Variants in PEA15 observed in about 807,000 individuals in gnomAD.
The protein encoded by PEA15 is astrocytic phosphoprotein PEA-15.
For synonymous variants in PEA15, 60 were observed against 61.8 expected, an observed-to-expected ratio of 0.97 and a Z score of 0.13; for missense variants, 77 against 161.3, an observed-to-expected ratio of 0.48 and a Z score of 2.83.
In PEA15 at chr1:160,208,614, G is replaced by A. The variant is rs1178212901; in HGVS notation, c.-2-2929G>A. 5.8e-6 allele frequency: 9 copies of A among 1,550,550 alleles called. No individual in the cohort carries two copies. The highest frequency in any genetic ancestry group is 4.9e-5 in the East Asian group (2 of 40,926). On this transcript the variant is annotated intron_variant, in intron 1 of 3. Transcript: ENST00000360472. This position sits in a 1 kb window ranked among gnomAD's most constrained non-coding sequence, Gnocchi z 4.1. ...TGGTGAGGAAAGTGACATGGAGGAT[G>A]AAGGAAACAAGCTCTGCCAAGCCCC...
At chr1:160,212,474 A>G (rs1246519555) in intron 2 of PEA15, among the ~76,000 whole-genome samples, 1 of 151,952 alleles carries the variant, frequency 6.6e-6, no homozygotes, top group Non-Finnish European at 1.5e-5. Context: ...TACTATTCTG[A>G]CTGCTGTGTG....
chr1:160,210,818 A>T (rs1055692282), intron 1 of PEA15, among the ~76,000 whole-genome samples: 37 of 152,156 alleles, frequency 2.4e-4, no homozygotes, highest in African/African-American at 8.7e-4. Flanking sequence ...GAGAGAGCTG[A>T]GTGGGGGCCT....
At position 160,208,749 on chromosome 1, in the gene PEA15, C is replaced by A; in HGVS notation, c.-2-2794C>A. ...TTCTTCTGCCATACTAAGGCCTAGG[C>A]AAATGGATCTCTCCAAGAAGGGAGG... On this transcript the variant is annotated intron_variant, in intron 1 of 3. Coordinates refer to ENST00000360472, the MANE Select transcript of PEA15 (RefSeq NM_003768.5). The surrounding 1 kb of genome is among the most constrained non-coding windows in gnomAD (Gnocchi z 4.1). The A allele has an allele frequency of 1.7e-6, 2 of 1,185,720 alleles. No individual in the cohort carries two copies. Among genetic ancestry groups the A allele is most frequent in the Non-Finnish European group, 1.2e-6 (1 of 818,082 alleles). The allele number at this position is 1,185,720 out of a possible 1,614,324, so 73.4% of individuals were successfully genotyped here.
chr1:160,208,339 G>C lies in PEA15; in HGVS notation c.-3+2817G>C. Reference sequence around the variant, plus strand: ...TGGGGCCAGCTTGGAAGGAGAGGGAGGCAGGAAGGAAGGAAGGTGTGAGGA... The same window carrying C: ...TGGGGCCAGCTTGGAAGGAGAGGGACGCAGGAAGGAAGGAAGGTGTGAGGA... On this transcript the variant is annotated intron_variant, in intron 1 of 3. Coordinates refer to ENST00000360472, the MANE Select transcript of PEA15 (RefSeq NM_003768.5). This position sits in a 1 kb window ranked among gnomAD's most constrained non-coding sequence, Gnocchi z 4.1. 2.1e-6 allele frequency: 1 copy of C among 485,612 alleles called. No individual in the cohort carries two copies. The highest frequency in any genetic ancestry group is 3.6e-5 in the East Asian group (1 of 28,064). 30.1% of individuals were successfully genotyped at this position (485,612 alleles called of 1,614,324 possible). A position where few individuals can be genotyped will look rare whatever the true frequency, so the allele number is the denominator to read the frequency against.
rs1221818168 is a variant in PEA15, at chr1:160,214,975, C to G, written c.*1489C>G. The G allele has an allele frequency of 6.5e-6, 1 of 153,008 alleles. No homozygotes were observed. The highest frequency in any genetic ancestry group is 2.4e-5 in the African/African-American group (1 of 41,454). The allele number at this position is 153,008 out of a possible 1,614,324, so 9.5% of individuals were successfully genotyped here. On this transcript the variant is annotated 3_prime_UTR_variant, in exon 4 of 4. Transcript: ENST00000360472. ...GCCCCTCTGGCCACTGCTGCAGACACCTGCCTTAACACACACACCTCTAGG... is the reference window on the plus strand; with the variant it reads ...GCCCCTCTGGCCACTGCTGCAGACAGCTGCCTTAACACACACACCTCTAGG...
Position 160,215,109 on chromosome 1 carries a change from G to C in PEA15, c.*1623G>C, listed in dbSNP as rs1655050865. 6.5e-6 allele frequency: 1 copy of C among 152,750 alleles called. No homozygotes were observed. The highest frequency in any genetic ancestry group is 2.1e-4 in the South Asian group (1 of 4,830). 9.5% of individuals were successfully genotyped at this position (152,750 alleles called of 1,614,324 possible). On this transcript the variant is annotated 3_prime_UTR_variant, in exon 4 of 4. Transcript: ENST00000360472. ...AGAATTGGGTGGGGGGAATGAGCAT[G>C]AACTGTCCTTCCATTTGGGATATGT...
chr1:160,206,553 G>A (rs1654599480), intron 1 of PEA15, among the ~76,000 whole-genome samples: 1 of 152,118 alleles, frequency 6.6e-6, no homozygotes, highest in Non-Finnish European at 1.5e-5. Flanking sequence ...TGGAGGAGGA[G>A]GGGGTGGAAG....
intron 1 of PEA15, among the ~76,000 whole-genome samples, chr1:160,209,747 A>T (rs1055325147): frequency 1.3e-5 from 2 of 151,026 alleles, no homozygotes; most frequent in Admixed American, 6.6e-5. Context: ...ACTCATTCTT[A>T]TCTCCATCTC....
Position 160,208,289 on chromosome 1 carries a change from G to A in PEA15, c.-3+2767G>A, listed in dbSNP as rs997190427. ...CCCTCTTCCCCAGCATCCTCAGTTG[G>A]TTTGACCTTTGTCAGGGCTGTGCCT... On this transcript the variant is annotated intron_variant, in intron 1 of 3. Transcript: ENST00000360472. The surrounding 1 kb of genome is among the most constrained non-coding windows in gnomAD (Gnocchi z 4.1). The A allele has an allele frequency of 2.8e-5, 11 of 386,934 alleles. No homozygotes were observed. The highest frequency in any genetic ancestry group is 2.2e-4 in the African/African-American group (11 of 49,162). 24.0% of individuals were successfully genotyped at this position (386,934 alleles called of 1,614,324 possible).
intron 1 of PEA15, chr1:160,206,068 A>G (rs1370284869): frequency 6.6e-6 from 1 of 152,434 alleles, no homozygotes; most frequent in Non-Finnish European, 1.5e-5. Flanking sequence ...ATCCGTGTCA[A>G]AACTGACAGG....
Position 160,208,551 on chromosome 1 carries a change from G to C in PEA15, c.-2-2992G>C. ...AGGAGGATTTTTCAGAGCCCAGAGA[G>C]CAGATTTCTCCACGAGCCCTAAGGA... is the stretch of plus-strand genomic sequence containing the variant. On this transcript the variant is annotated intron_variant, in intron 1 of 3. Transcript: ENST00000360472. The surrounding 1 kb of genome is among the most constrained non-coding windows in gnomAD (Gnocchi z 4.1). 6.9e-7 allele frequency: 1 copy of C among 1,453,478 alleles called. No homozygotes were observed. The highest frequency in any genetic ancestry group is 9.4e-7 in the Non-Finnish European group (1 of 1,058,498). The allele number at this position is 1,453,478 out of a possible 1,614,324, so 90.0% of individuals were successfully genotyped here.
chr1:160,205,401 AGGCGGCGGCGGCGGCAGAAGC>A lies in PEA15; in HGVS notation c.-108_-88del, dbSNP rs762397871. The A allele has an allele frequency of 6.0e-5, 11 of 183,122 alleles. No homozygotes were observed. Among genetic ancestry groups the A allele is most frequent in the East Asian group, 1.7e-4 (1 of 5,784 alleles). 11.3% of individuals were successfully genotyped at this position (183,122 alleles called of 1,614,324 possible). ...CGGGCTCCGGCTCCGCGGGCGGAAG[AGGCGGCGGCGGCGGCAGAAGC>A]GGCGGCGGCGGCGGCGGGAGCCGAG... On this transcript the variant is annotated 5_prime_UTR_variant, in exon 1 of 4. Coordinates refer to ENST00000360472, the MANE Select transcript of PEA15 (RefSeq NM_003768.5). The surrounding 1 kb of genome is among the most constrained non-coding windows in gnomAD (Gnocchi z 5.9).
chr1:160,208,663 C>G lies in PEA15; in HGVS notation c.-2-2880C>G. The G allele has an allele frequency of 6.5e-7, 1 of 1,550,048 alleles. No individual in the cohort carries two copies. The highest frequency in any genetic ancestry group is 2.4e-5 in the East Asian group (1 of 40,916). ...CCACCATGGCCAGGCCAGACCAGCC[C>G]AGGTACAACTGTTGATCAGTGAGAA... On this transcript the variant is annotated intron_variant, in intron 1 of 3. Transcript: ENST00000360472. This position sits in a 1 kb window ranked among gnomAD's most constrained non-coding sequence, Gnocchi z 4.1.
intron 1 of PEA15, among the ~76,000 whole-genome samples, chr1:160,209,787 G>A (rs886405315): frequency 2.0e-5 from 3 of 151,820 alleles, no homozygotes; most frequent in African/African-American, 4.8e-5. Context: ...CCCCTCACCC[G>A]TACCCCCCTC....
At chr1:160,212,419 G>A (rs778412300) in intron 2 of PEA15, among the ~76,000 whole-genome samples, 4 of 152,114 alleles carry the variant, frequency 2.6e-5, no homozygotes, top group Non-Finnish European at 5.9e-5. Flanking sequence ...TAGAGAGCCT[G>A]GGTATTGGAT....
In PEA15 at chr1:160,213,119, C is replaced by A; in HGVS notation, c.182C>A (p.Ser61Tyr). The A allele has an allele frequency of 6.2e-7, 1 of 1,614,124 alleles. No individual in the cohort carries two copies. Among genetic ancestry groups the A allele is most frequent in the South Asian group, 1.1e-5 (1 of 91,064 alleles). ...TCCTGCCTTCCTCCAGACAACCTCT[C>A]CTACATTGAGCACATCTTTGAGATC... ...SHNKLDKDNL[S>Y]YIEHIFEISR... The change falls in exon 3 of 4, where the codon TCC becomes TAC. Residue 61 changes from serine (S) to tyrosine (Y), a missense_variant. Coordinates refer to ENST00000360472, the MANE Select transcript of PEA15 (RefSeq NM_003768.5). This position sits in a 1 kb window ranked among gnomAD's most constrained non-coding sequence, Gnocchi z 5.3.
chr1:160,212,171 G>C (rs1654899387), intron 2 of PEA15, among the ~76,000 whole-genome samples: 1 of 152,122 alleles, frequency 6.6e-6, no homozygotes, highest in Non-Finnish European at 1.5e-5. Flanking sequence ...CTTGGGGAGT[G>C]GGATCTATGG....
intron 2 of PEA15, among the ~76,000 whole-genome samples, chr1:160,212,091 T>C (rs1654896340): frequency 6.6e-6 from 1 of 152,256 alleles, no homozygotes; most frequent in Non-Finnish European, 1.5e-5. Flanking sequence ...TTGTTAAGCA[T>C]TTTTTAAAAA....
chr1:160,212,997 CT>C, intron 2 of PEA15, 112 bp from the exon 3 acceptor site: 1 of 1,034,226 alleles, frequency 9.7e-7, no homozygotes. Context: ...GTGTTGTACC[CT>C]CCCATAACCA....
Sources: allele counts gnomAD v4.1 joint callset (sites outside exome capture counted in the v4.1 genomes callset), GRCh38; gene constraint gnomAD v4.1.1; non-coding constraint Gnocchi (gnomAD v3.1); transcripts MANE v1.5; gene names NCBI Gene and HGNC (gene_info 2026-07-23, HGNC 2026-07-21).